Variants in C16orf89 observed in about 807,000 individuals in gnomAD.
C16orf89 encodes chromosome 16 open reading frame 89.
In C16orf89, 57 loss-of-function variants were observed where a neutral mutation model predicts 41.5. That is an observed-to-expected ratio of 1.38 (90% CI 1.11 to 1.71). The LOEUF is 1.71. Among genes scored for constraint, C16orf89 ranks in the 40% most tolerant of loss-of-function variants. The probability of loss-of-function intolerance (pLI) is 0.00; values close to 1 mark genes in which losing one functional copy is unlikely to be tolerated. For synonymous variants in C16orf89, 223 were observed against 190.6 expected (o/e 1.17, Z -1.40); for missense variants, 575 against 445.9 (o/e 1.29, Z -2.61).
At chr16:5,054,859 C>T (rs1956460197) in intron 6 of C16orf89, among the ~76,000 whole-genome samples, 1 of 152,198 alleles carries the variant, frequency 6.6e-6, no homozygotes, top group Non-Finnish European at 1.5e-5. Context: ...TGTGAGACGT[C>T]CCTTTCGCCT....
At chr16:5,065,450 A>G (rs1176865141) in intron 1 of C16orf89, among the ~76,000 whole-genome samples, 1 of 152,190 alleles carries the variant, frequency 6.6e-6, no homozygotes. Flanking sequence ...TTTCATTCTG[A>G]GAAAAAGATA....
intron 3 of C16orf89, among the ~76,000 whole-genome samples, chr16:5,059,674 G>C (rs1241909007): frequency 6.6e-6 from 1 of 152,088 alleles, no homozygotes; most frequent in Non-Finnish European, 1.5e-5. Context: ...CCAAACACCA[G>C]GATAAAATGA....
chr16:5,062,496 C>G lies in C16orf89; in HGVS notation c.287G>C (p.Gly96Ala). 1 of 1,614,072 alleles carries G rather than the reference C, an allele frequency of 6.2e-7. No individual in the cohort carries two copies. Among genetic ancestry groups the G allele is most frequent in the Non-Finnish European group, 8.5e-7 (1 of 1,179,948 alleles). Residue 96 changes from glycine to alanine, a missense_variant, in exon 2 of 8, where the codon GGG becomes GCG. Transcript: ENST00000472572. ...QPLSLRVGMLGEKLEAAIQRS... is the reference protein window; with the variant it reads ...QPLSLRVGMLAEKLEAAIQRS... ...CTGGATGGCAGCCTCCAGCTTCTCC[C>G]CCAGCATCCCCACGCGCAGGCTCAG...
At chr16:5,061,018 T>G (rs1956608767) in intron 2 of C16orf89, among the ~76,000 whole-genome samples, 1 of 148,474 alleles carries the variant, frequency 6.7e-6, no homozygotes, top group South Asian at 2.1e-4. Flanking sequence ...CCCAGCACTT[T>G]CGGAAGCCAA....
chr16:5,055,185 A>C, intron 6 of C16orf89, 61 bp downstream of exon 6: 1 of 1,407,580 alleles, frequency 7.1e-7, no homozygotes, highest in Non-Finnish European at 9.8e-7. Context: ...TGGCCTAGAA[A>C]CTCAGAGCCA....
rs1956591058 is a variant in C16orf89, at chr16:5,060,358, G to T, written c.437C>A (p.Pro146His). The T allele has an allele frequency of 1.2e-6, 2 of 1,613,590 alleles. No homozygotes were observed. The highest frequency in any genetic ancestry group is 2.2e-5 in the South Asian group (2 of 91,072). Residue 146 changes from proline (P) to histidine (H), a missense_variant, in exon 3 of 8, where the codon CCC (proline) becomes CAC (histidine). Physicochemically the swap from Pro to His is moderately conservative, Grantham distance 77. Coordinates refer to ENST00000472572, the MANE Select transcript of C16orf89 (RefSeq NM_001098514.3). Reference protein sequence around the residue: ...WIHTDASLVYPTFGPQDSFSE... With the variant: ...WIHTDASLVYHTFGPQDSFSE... ...GAATGAGTCCTGGGGCCCGAACGTG[G>T]GGTACACCAAGGAGGCATCAGTGTG...
chr16:5,054,600 G>C (rs541441422), intron 6 of C16orf89, among the ~76,000 whole-genome samples: 5 of 152,268 alleles, frequency 3.3e-5, no homozygotes, highest in African/African-American at 1.2e-4. Flanking sequence ...GTACATTAGT[G>C]GGTGCTCAAT....
intron 7 of C16orf89, among the ~76,000 whole-genome samples, chr16:5,046,355 A>G (rs184063732): frequency 6.2e-4 from 93 of 151,094 alleles, no homozygotes; most frequent in African/African-American, 2.1e-3. Context: ...ATTTTATTTT[A>G]TTATAATTAT....
rs1956559730 is a variant in C16orf89, at chr16:5,058,723, T to G, written c.510-113A>C. 5.0e-6 allele frequency: 4 copies of G among 799,474 alleles called. No homozygotes were observed. The Admixed American group carries it at 8.4e-5, about 17-fold the overall frequency. 49.5% of individuals were successfully genotyped at this position (799,474 alleles called of 1,614,324 possible). ...TCCCAGTAGATTCCAGACACCCAGC[T>G]GGGCATGGGGGTTGACAGAGACAAT... On this transcript the variant is annotated intron_variant, in intron 3 of 7. Coordinates refer to ENST00000472572, the MANE Select transcript of C16orf89 (RefSeq NM_001098514.3).
chr16:5,064,315 C>G (rs559773772), intron 1 of C16orf89, among the ~76,000 whole-genome samples: 1 of 152,294 alleles, frequency 6.6e-6, no homozygotes, highest in East Asian at 1.9e-4. Context: ...CCACTGGGAG[C>G]TCATTGTTTA....
intron 6 of C16orf89, among the ~76,000 whole-genome samples, chr16:5,052,314 C>T (rs1328486921): frequency 1.3e-5 from 2 of 151,450 alleles, no homozygotes; most frequent in Non-Finnish European, 2.9e-5. Context: ...AATGGCCAAG[C>T]GCAGTGGCTC....
At chr16:5,060,016 T>G (rs796842545) in intron 3 of C16orf89, among the ~76,000 whole-genome samples, 2 of 151,904 alleles carry the variant, frequency 1.3e-5, no homozygotes, top group Non-Finnish European at 2.9e-5. Flanking sequence ...CGGAGAGGAA[T>G]TGGGGATTTG....
chr16:5,045,430 A>C (rs965648932), intron 7 of C16orf89, among the ~76,000 whole-genome samples: 4 of 152,194 alleles, frequency 2.6e-5, no homozygotes, highest in African/African-American at 7.2e-5. Flanking sequence ...CTTTGAGCTC[A>C]AAGTGGGCTG....
At chr16:5,049,087 C>T (rs1354379779) in intron 6 of C16orf89, among the ~76,000 whole-genome samples, 2 of 152,138 alleles carry the variant, frequency 1.3e-5, no homozygotes, top group Non-Finnish European at 2.9e-5. Flanking sequence ...ATAAAACAGA[C>T]TTTAAGTCAA....
chr16:5,050,098 T>C (rs1956370468), intron 6 of C16orf89, among the ~76,000 whole-genome samples: 1 of 152,182 alleles, frequency 6.6e-6, no homozygotes, highest in East Asian at 1.9e-4. Flanking sequence ...CTGGGTGTGG[T>C]GGCTCATGCC....
chr16:5,051,627 C>T (rs1018019622), intron 6 of C16orf89, among the ~76,000 whole-genome samples: 3 of 151,852 alleles, frequency 2.0e-5, no homozygotes, highest in Non-Finnish European at 4.4e-5. Flanking sequence ...TCCATGCTAC[C>T]GAAGTGATCT....
chr16:5,060,945 C>CTTTTTTTT (rs386384101), intron 2 of C16orf89, among the ~76,000 whole-genome samples: 1 of 93,502 alleles, frequency 1.1e-5, no homozygotes, highest in African/African-American at 4.4e-5. Flanking sequence ...TATGATCAGC[C>CTTTTTTTT]TTTTTTTTTT....
At chr16:5,053,678 G>A (rs906102491) in intron 6 of C16orf89, among the ~76,000 whole-genome samples, 1 of 152,000 alleles carries the variant, frequency 6.6e-6, no homozygotes, top group Non-Finnish European at 1.5e-5. Flanking sequence ...CAAGTAGCCG[G>A]GACCATAGGT....
rs974402093 is a variant in C16orf89, at chr16:5,044,289, G to T, written c.*59C>A. Reference sequence around the variant, plus strand: ...GTGATCCGTGCCCTCCAGGATCTAAGGGATGAGGACTAAAGGGGTCTGTTC... The same window carrying T: ...GTGATCCGTGCCCTCCAGGATCTAATGGATGAGGACTAAAGGGGTCTGTTC... On this transcript the variant is annotated 3_prime_UTR_variant, in exon 8 of 8. Transcript: ENST00000472572. 18 of 1,511,722 alleles carry T rather than the reference G, an allele frequency of 1.2e-5. No individual in the cohort carries two copies. In the East Asian group the frequency reaches 3.8e-4, roughly 32 times the overall value. The allele number at this position is 1,511,722 out of a possible 1,614,324, so 93.6% of individuals were successfully genotyped here. A position where few individuals can be genotyped will look rare whatever the true frequency, so the allele number is the denominator to read the frequency against.
Sources: allele counts gnomAD v4.1 joint callset (sites outside exome capture counted in the v4.1 genomes callset), GRCh38; gene constraint gnomAD v4.1.1; transcripts MANE v1.5; gene names NCBI Gene and HGNC (gene_info 2026-07-23, HGNC 2026-07-21).